Variants in GARIN5B observed in about 807,000 individuals in gnomAD.
GARIN5B encodes Golgi-associated RAB2 interactor protein 5B.
the GARIN5B span, among the ~76,000 whole-genome samples, chr19:55,361,815 TCCC>T: frequency 0.041 from 3,045 of 74,508 alleles, 597 homozygotes; most frequent in Middle Eastern, 0.11. Context: ...GACCCAGGAG[TCCC>T]CCAGCCCCTC....
chr19:55,358,820 G>A, the GARIN5B span: 123 of 1,547,322 alleles, frequency 7.9e-5, 1 homozygote, highest in Admixed American at 1.6e-3. Flanking sequence ...CTCCTGGGAG[G>A]GGCCCTCGAC....
the GARIN5B span, chr19:55,362,810 C>T: frequency 3.3e-5 from 49 of 1,482,108 alleles, no homozygotes; most frequent in Non-Finnish European, 4.2e-5. Flanking sequence ...CCTGATCGTC[C>T]CCCACACAGT....
At chr19:55,360,460 C>T in the GARIN5B span, among the ~76,000 whole-genome samples, 1 of 150,306 alleles carries the variant, frequency 6.7e-6, no homozygotes, top group African/African-American at 2.5e-5. Flanking sequence ...CCCCCAGCCC[C>T]TCCTCCCTCA....
the GARIN5B span, among the ~76,000 whole-genome samples, chr19:55,356,190 G>A: frequency 6.6e-6 from 1 of 151,638 alleles, no homozygotes; most frequent in Non-Finnish European, 1.5e-5. Context: ...TGGCCAACAT[G>A]GCGAAACCCC....
At chr19:55,359,484 C>A in the GARIN5B span, 25 of 1,546,992 alleles carry the variant, frequency 1.6e-5, no homozygotes, top group Non-Finnish European at 2.0e-5. Flanking sequence ...ACGGCTGGGG[C>A]CTTCTGGGAT....
At chr19:55,355,232 G>T in the GARIN5B span, 1 of 979,718 alleles carries the variant, frequency 1.0e-6, no homozygotes, top group Non-Finnish European at 1.4e-6. Flanking sequence ...CCAGGTCTAA[G>T]GCAGATCTCC....
At chr19:55,362,816 A>G in the GARIN5B span, 2 of 1,481,366 alleles carry the variant, frequency 1.4e-6, no homozygotes, top group African/African-American at 1.4e-5. Flanking sequence ...CGTCCCCCAC[A>G]CAGTGACTGC....
At chr19:55,360,992 A>G in the GARIN5B span, 1 of 1,550,560 alleles carries the variant, frequency 6.4e-7, no homozygotes, top group South Asian at 1.2e-5. Context: ...ACAAGACCCC[A>G]CGCCCACTTC....
the GARIN5B span, chr19:55,363,138 A>G: frequency 7.2e-7 from 1 of 1,381,038 alleles, no homozygotes; most frequent in East Asian, 2.9e-5. This position sits in a 1 kb window ranked among gnomAD's most constrained non-coding sequence, Gnocchi z 4.0. Flanking sequence ...GCCCCGGCCC[A>G]CCAGCCTTGA....
the GARIN5B span, among the ~76,000 whole-genome samples, chr19:55,357,421 C>T: frequency 5.9e-5 from 9 of 152,192 alleles, no homozygotes; most frequent in African/African-American, 1.9e-4. Flanking sequence ...TTTCCCACCC[C>T]GGGATCCCCG....
the GARIN5B span, chr19:55,361,125 C>T: frequency 3.7e-5 from 58 of 1,550,436 alleles, no homozygotes; most frequent in South Asian, 4.0e-4. Flanking sequence ...GAGGAAGGGA[C>T]GGTTAGACAG....
the GARIN5B span, chr19:55,358,896 G>T: frequency 6.4e-7 from 1 of 1,550,808 alleles, no homozygotes; most frequent in Non-Finnish European, 8.7e-7. Flanking sequence ...ACGCCAGGCA[G>T]GTCCGGGGAC....
At chr19:55,358,713 G>C in the GARIN5B span, 1 of 1,550,876 alleles carries the variant, frequency 6.4e-7, no homozygotes, top group South Asian at 1.2e-5. Context: ...CAGGAGGGAA[G>C]TGAGACCAAA....
the GARIN5B span, among the ~76,000 whole-genome samples, chr19:55,356,006 G>T: frequency 2.0e-5 from 3 of 150,300 alleles, no homozygotes; most frequent in Non-Finnish European, 4.5e-5. Flanking sequence ...TCAAAAACTT[G>T]GCTGGGCTTT....
chr19:55,361,931 A>T, the GARIN5B span, among the ~76,000 whole-genome samples: 4 of 139,040 alleles, frequency 2.9e-5, no homozygotes, highest in African/African-American at 1.1e-4. Flanking sequence ...CCAGGCCCCC[A>T]GTCCCTCCTC....
At chr19:55,359,142 C>A in the GARIN5B span, 13 of 1,551,154 alleles carry the variant, frequency 8.4e-6, no homozygotes, top group East Asian at 3.2e-4. Flanking sequence ...CTCTCCAGCA[C>A]GGCTCTTCCA....
At chr19:55,359,358 G>T in the GARIN5B span, 2 of 1,549,040 alleles carry the variant, frequency 1.3e-6, no homozygotes, top group Admixed American at 2.0e-5. Context: ...TGAGATGGGG[G>T]TGGGGTCTTC....
chr19:55,357,226 G>A, the GARIN5B span, among the ~76,000 whole-genome samples: 5 of 152,042 alleles, frequency 3.3e-5, no homozygotes, highest in Non-Finnish European at 7.4e-5. Context: ...TGTCCTCCAG[G>A]TGCCCACTCT....
At chr19:55,356,459 C>T in the GARIN5B span, among the ~76,000 whole-genome samples, 5 of 151,888 alleles carry the variant, frequency 3.3e-5, no homozygotes, top group African/African-American at 9.7e-5. Flanking sequence ...TGCAACCCGT[C>T]GCCATGCCCG....
Sources: gnomAD v4.1 joint callset for allele counts (sites outside exome capture counted in the v4.1 genomes callset) on GRCh38, gnomAD v4.1.1 for gene constraint, Gnocchi (gnomAD v3.1) non-coding constraint, MANE v1.5 for transcripts, NCBI Gene and HGNC (gene_info 2026-07-23, HGNC 2026-07-21) for gene names.